TMCC1: variants seen among roughly 807,000 people sequenced by gnomAD.
The protein encoded by TMCC1 is transmembrane and coiled-coil domains protein 1.
TMCC1 carries 15 observed loss-of-function variants against 52.4 expected under a neutral mutation model. The observed-to-expected ratio is 0.29, with a 90% CI of 0.19 to 0.44. TMCC1 has a LOEUF of 0.44. TMCC1 is among the 20% of genes least tolerant of loss of function. TMCC1 has a pLI of 1.00. For missense variants in TMCC1, 503 were observed against 806.0 expected (o/e 0.62, Z 4.55); for synonymous variants, 279 against 301.9 (o/e 0.92, Z 0.79).
At chr3:129,837,656 C>T (rs2059225485) in intron 2 of TMCC1, among the ~76,000 whole-genome samples, 1 of 152,134 alleles carries the variant, frequency 6.6e-6, no homozygotes, top group Non-Finnish European at 1.5e-5. Flanking sequence ...AATAAAAACA[C>T]AGCTCAAAGG....
intron 5 of TMCC1, among the ~76,000 whole-genome samples, chr3:129,666,151 A>G (rs2087435539): frequency 6.6e-6 from 1 of 152,224 alleles, no homozygotes; most frequent in Non-Finnish European, 1.5e-5. Flanking sequence ...AAAGCCTACA[A>G]CAGAGTAGAA....
At chr3:129,817,304 C>T (rs2058145821) in intron 4 of TMCC1, among the ~76,000 whole-genome samples, 1 of 152,024 alleles carries the variant, frequency 6.6e-6, no homozygotes, top group Admixed American at 6.6e-5. Flanking sequence ...TAAGAGTCGG[C>T]CGGGTGTGGT....
At chr3:129,703,436 C>T (rs557851244) in intron 4 of TMCC1, among the ~76,000 whole-genome samples, 1 of 152,266 alleles carries the variant, frequency 6.6e-6, no homozygotes, top group African/African-American at 2.4e-5. Context: ...AGACAACAGG[C>T]CTTATAAGTA....
chr3:129,769,592 G>A (rs1363201228), intron 4 of TMCC1, among the ~76,000 whole-genome samples: 2 of 145,402 alleles, frequency 1.4e-5, no homozygotes, highest in Non-Finnish European at 3.0e-5. Context: ...TATCGTTAGT[G>A]TATTTTATAT....
intron 4 of TMCC1, among the ~76,000 whole-genome samples, chr3:129,797,141 C>T (rs575825642): frequency 3.1e-4 from 47 of 152,074 alleles, no homozygotes; most frequent in African/African-American, 9.2e-4. Context: ...CTGGCTAACA[C>T]GGTGTAAACC....
rs374815406 is a variant in TMCC1 at position 129,844,619 on chromosome 3, G to A, written c.-183-11793C>T. 3.9e-5 allele frequency among the ~76,000 whole-genome samples: 6 copies of A among 152,002 alleles called. No homozygotes were observed. The East Asian group carries it at 1.2e-3, about 29-fold the overall frequency. On this transcript the variant is annotated intron_variant, in intron 2 of 6. Transcript: ENST00000393238. ...CCATCTTCTCTCACCATTCCTGAAC[G>A]GTAACCGCAAGAAAGGTGCTAGGTC...
At chr3:129,747,510 T>G (rs1290647737) in intron 4 of TMCC1, among the ~76,000 whole-genome samples, 2 of 152,226 alleles carry the variant, frequency 1.3e-5, no homozygotes, top group African/African-American at 4.8e-5. Flanking sequence ...AATATTCCTA[T>G]CTAATACCAC....
chr3:129,809,012 C>T (rs142033331), intron 4 of TMCC1, among the ~76,000 whole-genome samples: 157 of 150,692 alleles, frequency 1.0e-3, no homozygotes, highest in African/African-American at 3.4e-3. Flanking sequence ...ACCTGTAATC[C>T]CAGATCACGA....
chr3:129,785,526 C>G lies in TMCC1; in HGVS notation c.576+42277G>C, dbSNP rs1022855343. On this transcript the variant is annotated intron_variant, in intron 4 of 6. Coordinates refer to ENST00000393238, the MANE Select transcript of TMCC1 (RefSeq NM_001017395.5). The stretch of plus-strand genomic sequence containing the variant: ...AAGAGAATGTGTTAATTGAGATCAG[C>G]CTTTATGTCTAGTTTCCTAAGTCTC... Among the ~76,000 whole-genome samples, 3 of 151,518 alleles carry G rather than the reference C, an allele frequency of 2.0e-5. No homozygotes were observed. The East Asian group carries it at 5.8e-4, about 29-fold the overall frequency.
intron 4 of TMCC1, among the ~76,000 whole-genome samples, chr3:129,784,690 T>C (rs2055842439): frequency 6.6e-6 from 1 of 152,012 alleles, no homozygotes; most frequent in African/African-American, 2.4e-5. Flanking sequence ...GACAGTCAGC[T>C]AGACACGGTG....
intron 2 of TMCC1, among the ~76,000 whole-genome samples, chr3:129,871,202 T>G (rs565755069): frequency 4.6e-5 from 7 of 151,724 alleles, no homozygotes; most frequent in African/African-American, 1.7e-4. Flanking sequence ...CTACCAAAAA[T>G]GCAAAAATTA....
At chr3:129,745,335 T>C (rs1017673440) in intron 4 of TMCC1, among the ~76,000 whole-genome samples, 5 of 152,260 alleles carry the variant, frequency 3.3e-5, no homozygotes, top group African/African-American at 1.2e-4. Context: ...CCTTCTCTTG[T>C]GAGCACAGAG....
At chr3:129,692,718 C>T (rs2047113920) in intron 4 of TMCC1, among the ~76,000 whole-genome samples, 1 of 152,038 alleles carries the variant, frequency 6.6e-6, no homozygotes, top group Non-Finnish European at 1.5e-5. Flanking sequence ...TATAACTACA[C>T]TAGGAACAAT....
intron 4 of TMCC1, among the ~76,000 whole-genome samples, chr3:129,684,238 G>A (rs1021468860): frequency 6.6e-6 from 1 of 152,182 alleles, no homozygotes; most frequent in Non-Finnish European, 1.5e-5. Flanking sequence ...AAAAGACTGA[G>A]AATCAATGCA....
chr3:129,672,166 G>A (rs1273051088), intron 4 of TMCC1, among the ~76,000 whole-genome samples: 2 of 152,166 alleles, frequency 1.3e-5, no homozygotes, highest in Non-Finnish European at 2.9e-5. Flanking sequence ...AAGCATAAAT[G>A]TTCACTCTTC....
At chr3:129,861,164 G>A (rs1473777619) in intron 2 of TMCC1, among the ~76,000 whole-genome samples, 1 of 152,108 alleles carries the variant, frequency 6.6e-6, no homozygotes, top group Admixed American at 6.5e-5. Flanking sequence ...ACGGTGGCCG[G>A]GCGCAGTGGC....
At chr3:129,848,942 A>G (rs2059789124) in intron 2 of TMCC1, among the ~76,000 whole-genome samples, 1 of 151,906 alleles carries the variant, frequency 6.6e-6, no homozygotes, top group South Asian at 2.1e-4. Flanking sequence ...CTTGATTTCC[A>G]AAATGGAGAT....
intron 4 of TMCC1, among the ~76,000 whole-genome samples, chr3:129,716,397 C>T (rs577441463): frequency 2.8e-5 from 4 of 144,556 alleles, no homozygotes; most frequent in East Asian, 2.0e-4. Flanking sequence ...TGCAGTGGCG[C>T]GATCTCAGCT....
chr3:129,739,230 C>T (rs994076059), intron 4 of TMCC1, among the ~76,000 whole-genome samples: 2 of 151,962 alleles, frequency 1.3e-5, no homozygotes, highest in Admixed American at 6.6e-5. Flanking sequence ...TGCAGTGGCA[C>T]CATCTGGGCT....
Sources: gnomAD v4.1 joint callset for allele counts (sites outside exome capture counted in the v4.1 genomes callset) on GRCh38, gnomAD v4.1.1 for gene constraint, MANE v1.5 for transcripts, NCBI Gene and HGNC (gene_info 2026-07-23, HGNC 2026-07-21) for gene names.